ST8SIA1: variants seen among roughly 807,000 people sequenced by gnomAD.
The protein encoded by ST8SIA1 is ST8 alpha-N-acetyl-neuraminide alpha-2,8-sialyltransferase 1, also known as alpha-N-acetylneuraminide alpha-2,8-sialyltransferase.
Under a neutral mutation model 35.9 loss-of-function variants are expected in ST8SIA1, and 16 were observed. The observed-to-expected ratio is 0.45, with a 90% confidence interval of 0.30 to 0.68. ST8SIA1 has a LOEUF of 0.68. Ranked by LOEUF, ST8SIA1 falls within the 30% of genes least tolerant of loss-of-function variation. The probability of loss-of-function intolerance (pLI) is 0.09; values close to 1 mark genes in which losing one functional copy is unlikely to be tolerated. For synonymous variants in ST8SIA1, 170 were observed against 169.6 expected (o/e 1.00, Z -0.02); for missense variants, 383 against 453.6 (o/e 0.84, Z 1.41).
chr12:22,204,142 C>G (rs918729591), intron 4 of ST8SIA1, among the ~76,000 whole-genome samples: 11 of 151,686 alleles, frequency 7.3e-5, no homozygotes, highest in African/African-American at 9.7e-5. Context: ...TTTCACATAT[C>G]CTAAAGAACT....
intron 2 of ST8SIA1, among the ~76,000 whole-genome samples, chr12:22,272,204 C>T (rs1865919890): frequency 2.0e-5 from 3 of 152,156 alleles, no homozygotes; most frequent in Admixed American, 1.3e-4. Context: ...TTTTGACCTG[C>T]TATGGTCTTA....
Position 22,201,909 on chromosome 12 carries a change from T to C in ST8SIA1, c.714A>G (p.Thr238=). ...GTEPSLRVYY[T]LSDVGANQTV... Reference sequence around the variant, plus strand: ...TTTGATTGGCACCAACATCTGACAGTGTATAATAAACCCTCAAAGATGGCT... The same window carrying C: ...TTTGATTGGCACCAACATCTGACAGCGTATAATAAACCCTCAAAGATGGCT... Residue 238 remains threonine, a synonymous_variant, in exon 5 of 5, where the codon ACA becomes ACG. Coordinates refer to ENST00000396037, the MANE Select transcript of ST8SIA1 (RefSeq NM_003034.4). The C allele has an allele frequency of 6.2e-7, 1 of 1,614,078 alleles. No individual in the cohort carries two copies. Among genetic ancestry groups the C allele is most frequent in the Non-Finnish European group, 8.5e-7 (1 of 1,179,964 alleles).
intron 1 of ST8SIA1, among the ~76,000 whole-genome samples, chr12:22,313,829 T>C (rs1390420549): frequency 6.6e-6 from 1 of 152,222 alleles, no homozygotes; most frequent in African/African-American, 2.4e-5. Context: ...AGTGTCCAGA[T>C]ACCTGACACC....
chr12:22,245,222 A>G (rs1865586369), intron 4 of ST8SIA1, among the ~76,000 whole-genome samples: 1 of 152,242 alleles, frequency 6.6e-6, no homozygotes, highest in African/African-American at 2.4e-5. Context: ...AGATTTGGGT[A>G]GACCTGGTGC....
At chr12:22,231,496 A>G (rs1865419803) in intron 4 of ST8SIA1, among the ~76,000 whole-genome samples, 1 of 152,190 alleles carries the variant, frequency 6.6e-6, no homozygotes, top group Non-Finnish European at 1.5e-5. Context: ...ATAAAGAAGC[A>G]TAAGAGTTTG....
chr12:22,247,907 C>T (rs1261226826), intron 4 of ST8SIA1, among the ~76,000 whole-genome samples: 5 of 151,786 alleles, frequency 3.3e-5, no homozygotes. Flanking sequence ...TACAAAGGAG[C>T]AGAAGAAAAA....
intron 4 of ST8SIA1, among the ~76,000 whole-genome samples, chr12:22,236,261 C>A (rs1001965599): frequency 1.3e-5 from 2 of 152,118 alleles, no homozygotes; most frequent in Non-Finnish European, 2.9e-5. Context: ...TCTCCCTGAT[C>A]CCTAGAATTC....
chr12:22,247,792 G>A (rs1386202285), intron 4 of ST8SIA1, among the ~76,000 whole-genome samples: 1 of 151,752 alleles, frequency 6.6e-6, no homozygotes, highest in African/African-American at 2.4e-5. Context: ...ATATGTGACA[G>A]GCTAGAATAA....
intron 1 of ST8SIA1, among the ~76,000 whole-genome samples, chr12:22,321,034 G>GAAAGAAAGAAAGAAAGAAAGAA (rs1331545501): frequency 1.0e-5 from 1 of 97,130 alleles, no homozygotes; most frequent in African/African-American, 4.1e-5. Flanking sequence ...AAGAAAGAAA[G>GAAAGAAAGAAAGAAAGAAAGAA]AGAAAGAGAA....
intron 1 of ST8SIA1, among the ~76,000 whole-genome samples, chr12:22,303,125 A>T (rs1456418242): frequency 6.6e-6 from 1 of 152,148 alleles, no homozygotes; most frequent in African/African-American, 2.4e-5. Context: ...ACATTTTGGT[A>T]ACCACAAAGA....
chr12:22,269,706 C>A lies in ST8SIA1; in HGVS notation c.382-14317G>T, dbSNP rs79020686. ...AACGGGAGTATCAGCCCACTGTATT[C>A]TCTTCTTTTATATGGACAATAAAGT... On this transcript the variant is annotated intron_variant, in intron 2 of 4. Transcript: ENST00000396037. 2.0e-3 allele frequency among the ~76,000 whole-genome samples: 308 copies of A among 152,260 alleles called. 1 individual carries two copies. The highest frequency in any genetic ancestry group is 6.9e-3 in the African/African-American group (287 of 41,564).
chr12:22,219,132 T>C (rs1341684636), intron 4 of ST8SIA1, among the ~76,000 whole-genome samples: 1 of 152,142 alleles, frequency 6.6e-6, no homozygotes, highest in Non-Finnish European at 1.5e-5. Context: ...AGCTTTAATA[T>C]ATTACATATT....
At chr12:22,217,402 C>T (rs1865246494) in intron 4 of ST8SIA1, among the ~76,000 whole-genome samples, 1 of 152,052 alleles carries the variant, frequency 6.6e-6, no homozygotes, top group South Asian at 2.1e-4. Context: ...AAAGCAACAC[C>T]TTATATTTTA....
At chr12:22,215,829 G>A (rs1338123208) in intron 4 of ST8SIA1, among the ~76,000 whole-genome samples, 2 of 152,180 alleles carry the variant, frequency 1.3e-5, no homozygotes, top group African/African-American at 4.8e-5. Flanking sequence ...TACAGGCTGA[G>A]CCACATAAAG....
chr12:22,259,456 T>C lies in ST8SIA1; in HGVS notation c.382-4067A>G, dbSNP rs1379068261. ...AGACAAAAAAACTTAATTGAGAAAA[T>C]ACTATGGATTTTTTTTTCTTTTTTT... On this transcript the variant is annotated intron_variant, in intron 2 of 4. Coordinates refer to ENST00000396037, the MANE Select transcript of ST8SIA1 (RefSeq NM_003034.4). Among the ~76,000 whole-genome samples the C allele has an allele frequency of 2.1e-5, 3 of 144,626 alleles. No homozygotes were observed. In the Admixed American group the frequency reaches 2.1e-4, roughly 10 times the overall value. 94.9% of individuals were successfully genotyped at this position (144,626 alleles called of 152,430 possible).
intron 1 of ST8SIA1, among the ~76,000 whole-genome samples, chr12:22,311,247 A>G (rs1591853168): frequency 6.6e-6 from 1 of 152,316 alleles, no homozygotes; most frequent in South Asian, 2.1e-4. Context: ...GGCAAGAGAC[A>G]GCAGCAAATT....
In ST8SIA1 at chr12:22,198,418, T is replaced by G. The variant is rs1865012695; in HGVS notation, c.*3134A>C. On this transcript the variant is annotated 3_prime_UTR_variant, in exon 5 of 5. Coordinates refer to ENST00000396037, the MANE Select transcript of ST8SIA1 (RefSeq NM_003034.4). Reference sequence around the variant, plus strand: ...GATAATGGGAGCTTAGAATTGAAGATCTTAATAATAGAGTATTCCAGAGCA... The same window carrying G: ...GATAATGGGAGCTTAGAATTGAAGAGCTTAATAATAGAGTATTCCAGAGCA... 1 of 151,958 alleles carries G rather than the reference T, an allele frequency of 6.6e-6. No individual in the cohort carries two copies. Among genetic ancestry groups the G allele is most frequent in the African/African-American group, 2.4e-5 (1 of 41,382 alleles). 9.4% of individuals were successfully genotyped at this position (151,958 alleles called of 1,614,324 possible). A position where few individuals can be genotyped will look rare whatever the true frequency, so the allele number is the denominator to read the frequency against.
chr12:22,241,887 A>G (rs1865545232), intron 4 of ST8SIA1, among the ~76,000 whole-genome samples: 4 of 151,788 alleles, frequency 2.6e-5, no homozygotes, highest in Admixed American at 2.0e-4. Flanking sequence ...CCCCCCATAA[A>G]CTTCCAGACC....
At chr12:22,217,626 G>A (rs957087128) in intron 4 of ST8SIA1, among the ~76,000 whole-genome samples, 21 of 152,076 alleles carry the variant, frequency 1.4e-4, no homozygotes, top group South Asian at 4.1e-4. Flanking sequence ...TAATAATAGC[G>A]TGTATTTCAT....
Sources: gnomAD v4.1 joint callset for allele counts (sites outside exome capture counted in the v4.1 genomes callset) on GRCh38, gnomAD v4.1.1 for gene constraint, MANE v1.5 for transcripts, NCBI Gene and HGNC (gene_info 2026-07-23, HGNC 2026-07-21) for gene names.